DHX9: variants seen among roughly 807,000 people sequenced by gnomAD.
DHX9 encodes the protein DExH-box helicase 9, also known as ATP-dependent RNA helicase A.
In DHX9, 27 loss-of-function variants were observed where a neutral mutation model predicts 148.7. The ratio of observed to expected loss-of-function variants is 0.18; its 90% CI spans 0.13 to 0.25. The LOEUF is 0.25. Among genes scored for constraint, DHX9 ranks in the 10% least tolerant of loss-of-function variants. The pLI, the probability that DHX9 is intolerant of heterozygous loss-of-function variation, is 1.00. For synonymous variants in DHX9, 529 were observed against 516.6 expected (o/e 1.02, Z -0.33); for missense variants, 796 against 1,559.6 (o/e 0.51, Z 8.25).
intron 3 of DHX9, among the ~76,000 whole-genome samples, chr1:182,845,474 CA>C (rs1290659933): frequency 6.6e-6 from 1 of 151,272 alleles, no homozygotes; most frequent in African/African-American, 2.4e-5. Context: ...CCACAACAAT[CA>C]ACAAAGAAGA....
chr1:182,880,474 C>T (rs778217745), intron 21 of DHX9, 23 bp from the exon 22 acceptor site: 9 of 1,498,976 alleles, frequency 6.0e-6, no homozygotes, highest in Non-Finnish European at 8.3e-6. Context: ...TGTTTCTGCT[C>T]ACAAAGAACT....
chr1:182,846,802 T>C (rs10911147), intron 3 of DHX9, among the ~76,000 whole-genome samples: 4,976 of 152,230 alleles, frequency 0.033, 187 homozygotes, highest in African/African-American at 0.088. Context: ...GACTTAGCTA[T>C]TATTTAAGAT....
At chr1:182,886,963 G>GA (rs1649358557) in intron 27 of DHX9, 120 bp from the exon 28 acceptor site, 1 of 827,166 alleles carries the variant, frequency 1.2e-6, no homozygotes, top group Non-Finnish European at 1.9e-6. Flanking sequence ...ATTTCTATTT[G>GA]TGCATTTGGC....
At position 182,875,271 on chromosome 1, in the gene DHX9, G is replaced by A. The variant is rs1571317889; in HGVS notation, c.1815+317G>A. 4 of 449,732 alleles carry A rather than the reference G, an allele frequency of 8.9e-6. No individual in the cohort carries two copies. The East Asian group carries it at 2.7e-4, about 30-fold the overall frequency. The allele number at this position is 449,732 out of a possible 1,614,324, so 27.9% of individuals were successfully genotyped here. A position where few individuals can be genotyped will look rare whatever the true frequency, so the allele number is the denominator to read the frequency against. ...AGGTTTTGCTACTCAAAGTTTTTCA[G>A]TAGGCTGCAGCATCTGGGAAACTGG... On this transcript the variant is annotated intron_variant, in intron 16 of 27. Transcript: ENST00000367549.
At chr1:182,870,530 T>C (rs1557974901) in intron 14 of DHX9, among the ~76,000 whole-genome samples, 1 of 152,202 alleles carries the variant, frequency 6.6e-6, no homozygotes, top group African/African-American at 2.4e-5. Flanking sequence ...GACGGTGGCA[T>C]GTCAGATTAG....
At chr1:182,845,797 C>T (rs908302784) in intron 3 of DHX9, among the ~76,000 whole-genome samples, 6 of 152,136 alleles carry the variant, frequency 3.9e-5, no homozygotes, top group African/African-American at 1.4e-4. Context: ...CTACATTTAC[C>T]AGTTTATTAT....
At chr1:182,884,842 C>G (rs1054004127) in intron 27 of DHX9, 29 bp downstream of exon 27, 5 of 1,603,918 alleles carry the variant, frequency 3.1e-6, no homozygotes, top group East Asian at 2.2e-5. Flanking sequence ...CTTACTGAAC[C>G]AAGTAGAGGG....
intron 3 of DHX9, among the ~76,000 whole-genome samples, chr1:182,846,058 G>A (rs1210036924): frequency 3.9e-5 from 6 of 152,072 alleles, no homozygotes; most frequent in South Asian, 4.1e-4. Context: ...AGGTGGGACC[G>A]AAAGTTTCAG....
chr1:182,874,717 G>A, intron 15 of DHX9, 137 bp from the exon 16 acceptor site: 1 of 679,274 alleles, frequency 1.5e-6, no homozygotes. Flanking sequence ...TATTGCTACT[G>A]GAACTTTTTG....
chr1:182,887,005 CTAAA>C, intron 27 of DHX9, 74 bp from the exon 28 acceptor site: 1 of 1,337,718 alleles, frequency 7.5e-7, no homozygotes. Context: ...TCAAATATAA[CTAAA>C]TGTGTACATT....
In DHX9 at chr1:182,876,366, C is replaced by T. The variant is rs960350687; in HGVS notation, c.2030-81C>T. The T allele has an allele frequency of 2.1e-5, 32 of 1,557,234 alleles. 1 individual carries two copies. The highest frequency in any genetic ancestry group is 6.8e-5 in the South Asian group (6 of 88,050). On this transcript the variant is annotated intron_variant, in intron 17 of 27. Transcript: ENST00000367549. ...CAAAATTTTGTATTGTTTCTACTTTCGAATAAAAATATGTATAATGGAGAG... is the reference window on the plus strand; with the variant it reads ...CAAAATTTTGTATTGTTTCTACTTTTGAATAAAAATATGTATAATGGAGAG...
intron 7 of DHX9, among the ~76,000 whole-genome samples, chr1:182,856,863 T>A (rs1481999069): frequency 6.6e-6 from 1 of 152,190 alleles, no homozygotes; most frequent in Non-Finnish European, 1.5e-5. Flanking sequence ...CCTTTTTTGT[T>A]TTTTGAGACG....
intron 16 of DHX9, 122 bp downstream of exon 16, chr1:182,875,076 T>C: frequency 1.2e-6 from 1 of 807,300 alleles, no homozygotes; most frequent in South Asian, 1.4e-5. Context: ...CTGACTGTAA[T>C]GTCTGCCTTT....
intron 15 of DHX9, among the ~76,000 whole-genome samples, chr1:182,873,694 A>G (rs983807184): frequency 6.6e-6 from 1 of 152,232 alleles, no homozygotes; most frequent in African/African-American, 2.4e-5. Flanking sequence ...GTGTTAGTAT[A>G]CATATTTTTT....
chr1:182,871,819 G>A (rs1038359074), intron 14 of DHX9, among the ~76,000 whole-genome samples: 10 of 152,132 alleles, frequency 6.6e-5, no homozygotes, highest in East Asian at 1.9e-4. Flanking sequence ...ATAGTCGGCC[G>A]AGGCGGGTGG....
At chr1:182,886,184 AATTT>A (rs144933520) in intron 27 of DHX9, among the ~76,000 whole-genome samples, 5 of 149,534 alleles carry the variant, frequency 3.3e-5, no homozygotes, top group South Asian at 2.1e-4. Flanking sequence ...TTTTTTTTTA[AATTT>A]ATTTATTTAT....
chr1:182,867,127 C>G, intron 14 of DHX9, 84 bp downstream of exon 14: 4 of 836,154 alleles, frequency 4.8e-6, no homozygotes, highest in Admixed American at 3.0e-5. Flanking sequence ...TTTCCCTTTC[C>G]CCCGTTTTTA....
chr1:182,882,662 C>T (rs1276431251), intron 24 of DHX9, among the ~76,000 whole-genome samples: 3 of 152,010 alleles, frequency 2.0e-5, no homozygotes, highest in Non-Finnish European at 2.9e-5. Flanking sequence ...GTCAGGAGAT[C>T]GAGACCATCC....
At chr1:182,850,192 A>T (rs570598453) in intron 3 of DHX9, among the ~76,000 whole-genome samples, 1 of 152,124 alleles carries the variant, frequency 6.6e-6, no homozygotes, top group Admixed American at 6.5e-5. Context: ...TACTACTCCA[A>T]GCTTGGGTAT....
Sources: allele counts gnomAD v4.1 joint callset (sites outside exome capture counted in the v4.1 genomes callset), GRCh38; gene constraint gnomAD v4.1.1; transcripts MANE v1.5; gene names NCBI Gene and HGNC (gene_info 2026-07-23, HGNC 2026-07-21).